Variants in KMT2E observed in about 807,000 individuals in gnomAD.
The protein encoded by KMT2E is lysine methyltransferase 2E (inactive).
Under a neutral mutation model 184.6 loss-of-function variants are expected in KMT2E, and 30 were observed. That is an observed-to-expected ratio of 0.16 (90% CI 0.12 to 0.22). The LOEUF (loss-of-function observed/expected upper bound fraction) is 0.22. Ranked by LOEUF, KMT2E falls within the 10% of genes least tolerant of loss-of-function variation. The pLI, the probability that KMT2E is intolerant of heterozygous loss-of-function variation, is 1.00. For missense variants in KMT2E, 2,023 were observed against 2,237.4 expected (o/e 0.90, Z 1.93); for synonymous variants, 815 against 776.5 (o/e 1.05, Z -0.82).
chr7:105,058,171 CT>C (rs1796648732), intron 3 of KMT2E, among the ~76,000 whole-genome samples: 1 of 152,132 alleles, frequency 6.6e-6, no homozygotes, highest in South Asian at 2.1e-4. Context: ...TTCTGATAAA[CT>C]GGTATTTGGA....
intron 17 of KMT2E, chr7:105,102,405 C>T: frequency 2.4e-6 from 1 of 419,088 alleles, no homozygotes; most frequent in South Asian, 3.7e-5. Flanking sequence ...TTCAGTTTAT[C>T]AGGACTTTTA....
At chr7:105,106,883 G>A in intron 20 of KMT2E, 111 bp downstream of exon 20, 1 of 1,103,290 alleles carries the variant, frequency 9.1e-7, no homozygotes, top group Non-Finnish European at 1.3e-6. Context: ...ACAAAAAAAA[G>A]GTTGTAAGAA....
Position 105,112,639 on chromosome 7 carries a change from C to T in KMT2E, c.4883C>T (p.Pro1628Leu), listed in dbSNP as rs1344005573. 1 of 1,613,870 alleles carries T rather than the reference C, an allele frequency of 6.2e-7. No individual in the cohort carries two copies. The highest frequency in any genetic ancestry group is 8.5e-7 in the Non-Finnish European group (1 of 1,179,978). ...CAAACTGCTGCTGCCGTAGTCCCCC[C>T]TCCTCCTCCACCACCACCTGCTCCA... is the stretch of plus-strand genomic sequence containing the variant. ...HHQTAAAVVP[P>L]PPPPPPAPGP... Residue 1628 changes from proline (P) to leucine (L), a missense_variant, in exon 27 of 27, where the codon CCT becomes CTT. By Grantham distance (98) the Pro-to-Leu change is moderately conservative. This residue lies in a region of KMT2E where 1,108 missense variants were observed against 1,050.9 expected (regional missense o/e 1.05). Transcript: ENST00000311117.
chr7:105,052,689 A>G (rs1477472599), intron 3 of KMT2E, among the ~76,000 whole-genome samples: 2 of 151,806 alleles, frequency 1.3e-5, no homozygotes, highest in Non-Finnish European at 2.9e-5. Context: ...CTCCCAAGTA[A>G]ATGGGATTAC....
At position 105,077,420 on chromosome 7, in the gene KMT2E, T is replaced by C; in HGVS notation, c.1117T>C (p.Tyr373His). 6.2e-7 allele frequency: 1 copy of C among 1,605,058 alleles called. No individual in the cohort carries two copies. Among genetic ancestry groups the C allele is most frequent in the South Asian group, 1.1e-5 (1 of 89,776 alleles). The change falls in exon 11 of 27, where the codon TAT becomes CAT. Residue 373 changes from tyrosine (Y) to histidine (H), a missense_variant. Coordinates refer to ENST00000311117, the MANE Select transcript of KMT2E (RefSeq NM_182931.3). ...MLREQFEANG[Y>H]FFKRPYPFVL... ...GAGAGAACAGTTTGAAGCAAATGGG[T>C]ATTTCTTTAAAAGGTATATTCATTT...
chr7:105,014,798 G>A (rs2129563586), intron 1 of KMT2E, among the ~76,000 whole-genome samples: 2 of 152,218 alleles, frequency 1.3e-5, no homozygotes, highest in South Asian at 4.2e-4. Context: ...GAGAGTGGGG[G>A]AGTTAGGGAG....
chr7:105,035,311 C>A (rs200314276), intron 1 of KMT2E, among the ~76,000 whole-genome samples: 1 of 150,948 alleles, frequency 6.6e-6, no homozygotes, highest in Admixed American at 6.6e-5. Context: ...GGATTACAGG[C>A]GTGAGCCACT....
intron 6 of KMT2E, among the ~76,000 whole-genome samples, chr7:105,071,107 A>G (rs1357117704): frequency 3.9e-5 from 6 of 152,148 alleles, no homozygotes; most frequent in African/African-American, 1.4e-4. Context: ...TAGAGTCTTC[A>G]CATTTCTTTT....
Position 105,071,580 on chromosome 7 carries a change from GTGTA to G in KMT2E, c.498-2037_498-2034del, listed in dbSNP as rs1253885718. Among the ~76,000 whole-genome samples the G allele has an allele frequency of 3.5e-3, 230 of 64,980 alleles. 14 individuals are homozygous for G. In the East Asian group the frequency reaches 0.04, roughly 11 times the overall value. The allele number at this position is 64,980 out of a possible 152,430, so 42.6% of individuals were successfully genotyped here. ...TATGTATGTATGTATGTATGTGTGT[GTGTA>G]TATATATATATATATATATATATAT... On this transcript the variant is annotated intron_variant, in intron 6 of 26. Transcript: ENST00000311117.
intron 15 of KMT2E, among the ~76,000 whole-genome samples, chr7:105,099,487 G>C (rs551615805): frequency 6.6e-6 from 1 of 152,118 alleles, no homozygotes; most frequent in African/African-American, 2.4e-5. Context: ...TAGCTGTAGT[G>C]TTTACAGGGG....
intron 5 of KMT2E, among the ~76,000 whole-genome samples, chr7:105,064,665 C>A (rs1360877500): frequency 6.6e-6 from 1 of 151,976 alleles, no homozygotes; most frequent in Non-Finnish European, 1.5e-5. Context: ...ATAATAAAAA[C>A]ATATTGTAGT....
intron 1 of KMT2E, among the ~76,000 whole-genome samples, chr7:105,036,505 A>G (rs1432929386): frequency 1.3e-5 from 2 of 152,188 alleles, no homozygotes. Flanking sequence ...ACTGATGTGT[A>G]GGCTCTGGAA....
At position 105,107,743 on chromosome 7, in the gene KMT2E, G is replaced by A. The variant is rs764763580; in HGVS notation, c.3286G>A (p.Gly1096Arg). 5 of 1,614,030 alleles carry A rather than the reference G, an allele frequency of 3.1e-6. No homozygotes were observed. The East Asian group carries it at 8.9e-5, about 29-fold the overall frequency. ...DLTPSHQLEVGGGFRISESKC... is the reference protein window; with the variant it reads ...DLTPSHQLEVRGGFRISESKC... ...GACACCCTCGCATCAGTTGGAGGTT[G>A]GAGGAGGCTTCCGAATAAGTGAGTC... is the stretch of plus-strand genomic sequence containing the variant. Residue 1096 changes from glycine to arginine, a missense_variant, in exon 22 of 27, where the codon GGA becomes AGA. Coordinates refer to ENST00000311117, the MANE Select transcript of KMT2E (RefSeq NM_182931.3).
At chr7:105,064,629 G>A (rs1796958627) in intron 5 of KMT2E, among the ~76,000 whole-genome samples, 1 of 152,090 alleles carries the variant, frequency 6.6e-6, no homozygotes, top group South Asian at 2.1e-4. Flanking sequence ...ATGGAAAGTT[G>A]TAATATTAAC....
At chr7:105,067,522 G>T (rs1797083385) in intron 6 of KMT2E, among the ~76,000 whole-genome samples, 1 of 151,820 alleles carries the variant, frequency 6.6e-6, no homozygotes, top group Non-Finnish European at 1.5e-5. Flanking sequence ...CGACATTCTT[G>T]TCCCATCTAT....
At chr7:105,048,794 G>A (rs1026427596) in intron 3 of KMT2E, among the ~76,000 whole-genome samples, 3 of 152,202 alleles carry the variant, frequency 2.0e-5, no homozygotes, top group East Asian at 1.9e-4. Flanking sequence ...ACAGTGTTCC[G>A]ATAACACTTT....
chr7:105,051,018 C>T (rs954812407), intron 3 of KMT2E, among the ~76,000 whole-genome samples: 2 of 151,860 alleles, frequency 1.3e-5, no homozygotes, highest in Middle Eastern at 3.2e-3. Flanking sequence ...TGAGTCACAG[C>T]ACCAGGCCTC....
chr7:105,077,636 A>G lies in KMT2E; in HGVS notation c.1130+203A>G, dbSNP rs2240456. ...ACAACATAAAAAAATGCAAAGATAT[A>G]TTCCGGTCTCTTGCTCATGTCTGTC... On this transcript the variant is annotated intron_variant, in intron 11 of 26. Transcript: ENST00000311117. 2,878 of 501,170 alleles carry G rather than the reference A, an allele frequency of 5.7e-3. 74 individuals are homozygous for G. The East Asian group carries it at 0.062, about 11-fold the overall frequency. The allele number at this position is 501,170 out of a possible 1,614,324, so 31.0% of individuals were successfully genotyped here.
intron 5 of KMT2E, among the ~76,000 whole-genome samples, chr7:105,066,452 T>A (rs951523466): frequency 6.0e-4 from 92 of 152,274 alleles, no homozygotes; most frequent in African/African-American, 2.2e-3. Context: ...CTCTACATTG[T>A]GATTTCTAAT....
Sources: gnomAD v4.1 joint callset for allele counts (sites outside exome capture counted in the v4.1 genomes callset) on GRCh38, gnomAD v4.1.1 for gene constraint, gnomAD v4.1.1 regional missense constraint, MANE v1.5 for transcripts, NCBI Gene and HGNC (gene_info 2026-07-23, HGNC 2026-07-21) for gene names.